The following MPST variants were observed in gnomAD, a reference collection of about 807,000 sequenced individuals.
The protein encoded by MPST is 3-mercaptopyruvate sulfurtransferase.
Under a neutral mutation model 28.5 loss-of-function variants are expected in MPST, and 27 were observed. The observed-to-expected ratio is 0.95, with a 90% CI of 0.70 to 1.31. The LOEUF (loss-of-function observed/expected upper bound fraction) is 1.31. Among genes scored for constraint, MPST ranks in the 50% most tolerant of loss-of-function variants. The pLI is 0.00. For missense variants in MPST, 492 were observed against 471.1 expected (o/e 1.04, Z -0.41); for synonymous variants, 204 against 209.3 (o/e 0.97, Z 0.22).
At chr22:37,026,344 G>A (rs894369943) in intron 2 of MPST, 1 of 152,182 alleles carries the variant, frequency 6.6e-6, no homozygotes, top group African/African-American at 2.4e-5. Flanking sequence ...AGTGTGTAAA[G>A]CACTCAGCTC....
intron 1 of MPST, among the ~76,000 whole-genome samples, chr22:37,021,767 G>A (rs774473999): frequency 2.0e-5 from 3 of 152,208 alleles, no homozygotes; most frequent in African/African-American, 4.8e-5. Flanking sequence ...CACCACGCCC[G>A]ACCTAAACCG....
At chr22:37,026,139 A>C (rs1016694274) in intron 2 of MPST, 1 of 152,234 alleles carries the variant, frequency 6.6e-6, no homozygotes, top group Non-Finnish European at 1.5e-5. Flanking sequence ...TGGGTTCTCC[A>C]TCTCAGCCCC....
At chr22:37,020,481 C>T (rs747629022) in intron 1 of MPST, among the ~76,000 whole-genome samples, 1 of 152,106 alleles carries the variant, frequency 6.6e-6, no homozygotes, top group Non-Finnish European at 1.5e-5. Context: ...GAACTTAGCC[C>T]GTTTAATCAT....
rs374903405 is a variant in MPST, at chr22:37,024,693, C to G, written c.538C>G (p.Pro180Ala). The change falls in exon 2 of 3, where the codon CCC becomes GCC. Residue 180 changes from proline to alanine, a missense_variant. Pro to Ala is a conservative substitution (Grantham distance 27). Coordinates refer to ENST00000429360, the MANE Select transcript of MPST (RefSeq NM_021126.8). ...APAEFRAQLD[P>A]AFIKTYEDIK... ...CGCCGAGTTCCGCGCTCAGCTCGAC[C>G]CCGCCTTCATCAAGACCTACGAGGA... is the stretch of plus-strand genomic sequence containing the variant. The G allele has an allele frequency of 3.1e-6, 5 of 1,599,708 alleles. No individual in the cohort carries two copies. The highest frequency in any genetic ancestry group is 4.2e-6 in the Non-Finnish European group (5 of 1,179,788).
In MPST at chr22:37,024,202, C is replaced by A. The variant is rs1333779191; in HGVS notation, c.47C>A (p.Pro16Gln). Reference sequence around the variant, plus strand: ...CTCCCTGTCGCCCAGGCCCGCAGCCCGAGTGTCGCCGCCATGGCTTCGCCG... The same window carrying A: ...CTCCCTGTCGCCCAGGCCCGCAGCCAGAGTGTCGCCGCCATGGCTTCGCCG... ...SRESETRARS[P>Q]SVAAMASPQL... is the part of the protein sequence containing the mutation. Residue 16 changes from proline (P) to glutamine (Q), a missense_variant, in exon 2 of 3, where the codon CCG (proline) becomes CAG (glutamine). Transcript: ENST00000429360. 2.2e-5 allele frequency: 31 copies of A among 1,379,476 alleles called. No individual in the cohort carries two copies. Among genetic ancestry groups the A allele is most frequent in the Non-Finnish European group, 9.3e-7 (1 of 1,074,724 alleles). The allele number at this position is 1,379,476 out of a possible 1,614,324, so 85.5% of individuals were successfully genotyped here.
At chr22:37,025,554 G>T (rs1246529693) in intron 2 of MPST, 1 of 170,200 alleles carries the variant, frequency 5.9e-6, no homozygotes, top group South Asian at 1.4e-4. Context: ...TCTGTATAAT[G>T]CGAGGAGGAG....
intron 2 of MPST, chr22:37,027,689 G>C (rs978183875): frequency 1.3e-5 from 2 of 152,288 alleles, no homozygotes; most frequent in African/African-American, 2.4e-5. Context: ...CTTCCCCTTT[G>C]GGCCTCTGGC....
At chr22:37,026,695 A>G (rs549571265) in intron 2 of MPST, 2 of 152,268 alleles carry the variant, frequency 1.3e-5, no homozygotes, top group East Asian at 3.9e-4. Flanking sequence ...GCTGGTCTCT[A>G]TGTGATATCT....
chr22:37,024,186 G>C lies in MPST; in HGVS notation c.37-6G>C. On this transcript the variant is annotated splice_polypyrimidine_tract_variant and splice_region_variant and intron_variant, in intron 1 of 2. Transcript: ENST00000429360. Reference sequence around the variant, plus strand: ...CTTCCCTTCTGACATCCTCCCTGTCGCCCAGGCCCGCAGCCCGAGTGTCGC... The same window carrying C: ...CTTCCCTTCTGACATCCTCCCTGTCCCCCAGGCCCGCAGCCCGAGTGTCGC... The C allele has an allele frequency of 7.3e-7, 1 of 1,372,810 alleles. No homozygotes were observed. The highest frequency in any genetic ancestry group is 1.7e-5 in the South Asian group (1 of 59,914). 85.0% of individuals were successfully genotyped at this position (1,372,810 alleles called of 1,614,324 possible). A position where few individuals can be genotyped will look rare whatever the true frequency, so the allele number is the denominator to read the frequency against.
Position 37,024,335 on chromosome 22 carries a change from G to T in MPST, c.180G>T (p.Lys60Asn). 1 of 1,538,464 alleles carries T rather than the reference G, an allele frequency of 6.5e-7. No individual in the cohort carries two copies. The change falls in exon 2 of 3, where the codon AAG becomes AAT. Residue 60 changes from lysine to asparagine, a missense_variant. By Grantham distance (94) the Lys-to-Asn change is moderately conservative. Coordinates refer to ENST00000429360, the MANE Select transcript of MPST (RefSeq NM_021126.8). ...TGGACGCCTCCTGGTACCTGCCGAA[G>T]CTGGGGCGCGACGCGCGACGCGAGT... ...QLLDASWYLP[K>N]LGRDARREFE...
chr22:37,024,110 C>G, intron 1 of MPST, 82 bp from the exon 2 acceptor site: 1 of 1,315,582 alleles, frequency 7.6e-7, no homozygotes, highest in African/African-American at 1.6e-5. Flanking sequence ...CCCCGCCGGC[C>G]CTCGCCCATG....
intron 2 of MPST, chr22:37,025,134 AAGG>A (rs1923431427): frequency 7.1e-7 from 1 of 1,399,538 alleles, no homozygotes; most frequent in Admixed American, 2.2e-5. Context: ...TGAGGTGGGG[AAGG>A]AGATTTGACT....
chr22:37,020,588 C>T (rs1922996203), intron 1 of MPST, among the ~76,000 whole-genome samples: 1 of 152,178 alleles, frequency 6.6e-6, no homozygotes, highest in African/African-American at 2.4e-5. Context: ...AACTGGGGGA[C>T]ACCATTGCCC....
At chr22:37,022,777 G>A (rs1048041401) in intron 1 of MPST, among the ~76,000 whole-genome samples, 61 of 152,182 alleles carry the variant, frequency 4.0e-4, no homozygotes, top group Non-Finnish European at 1.8e-4. Flanking sequence ...CCTTCATTTC[G>A]CTGGCAGGAC....
Position 37,029,423 on chromosome 22 carries a change from A to C in MPST, c.863A>C (p.Asp288Ala). The C allele has an allele frequency of 1.2e-6, 2 of 1,613,876 alleles. No individual in the cohort carries two copies. Among genetic ancestry groups the C allele is most frequent in the Non-Finnish European group, 1.7e-6 (2 of 1,180,022 alleles). ...GGGGCCTACCTCTGCGGCAAGCCAG[A>C]CGTGCCCATCTACGATGGCTCCTGG... The part of the protein sequence containing the change: ...ALGAYLCGKP[D>A]VPIYDGSWVE... Residue 288 changes from aspartate to alanine, a missense_variant, in exon 3 of 3, where the codon GAC becomes GCC. Transcript: ENST00000429360.
chr22:37,024,675 T>TTCCG lies in MPST; in HGVS notation c.521_524dup (p.Ala176ProfsTer47). On this transcript the variant is annotated frameshift_variant, in exon 2 of 3. Coordinates refer to ENST00000429360, the MANE Select transcript of MPST (RefSeq NM_021126.8). LOFTEE classifies it high-confidence loss of function. ...CAAGAGCCAACCTGCTCCCGCCGAG[T>TTCCG]TCCGCGCTCAGCTCGACCCCGCCTT... 6.3e-7 allele frequency: 1 copy of TTCCG among 1,599,232 alleles called. No homozygotes were observed. The highest frequency in any genetic ancestry group is 8.5e-7 in the Non-Finnish European group (1 of 1,179,680).
At position 37,029,530 on chromosome 22, in the gene MPST, A is replaced by T. The variant is rs953092552; in HGVS notation, c.*16A>T. The T allele has an allele frequency of 6.3e-7, 1 of 1,578,888 alleles. No homozygotes were observed. Among genetic ancestry groups the T allele is most frequent in the Non-Finnish European group, 8.6e-7 (1 of 1,159,260 alleles). Reference sequence around the variant, plus strand: ...GACCCACTGAAGCTGGGCAGGACACAGGCGAGCTCAGGTGATGCCGGCCAC... The same window carrying T: ...GACCCACTGAAGCTGGGCAGGACACTGGCGAGCTCAGGTGATGCCGGCCAC... On this transcript the variant is annotated 3_prime_UTR_variant, in exon 3 of 3. Transcript: ENST00000429360.
In MPST at chr22:37,024,538, A is replaced by G; in HGVS notation, c.383A>G (p.Tyr128Cys). ...TACGACGCCAGCGACCAGGGCCTCTACTCCGCCCCGCGCGTCTGGTGGATG... is the reference window on the plus strand; with the variant it reads ...TACGACGCCAGCGACCAGGGCCTCTGCTCCGCCCCGCGCGTCTGGTGGATG... ...VIYDASDQGL[Y>C]SAPRVWWMFR... The change falls in exon 2 of 3, where the codon TAC (tyrosine) becomes TGC (cysteine). Residue 128 changes from tyrosine to cysteine, a missense_variant. Coordinates refer to ENST00000429360, the MANE Select transcript of MPST (RefSeq NM_021126.8). 6.4e-7 allele frequency: 1 copy of G among 1,569,090 alleles called. No homozygotes were observed. Among genetic ancestry groups the G allele is most frequent in the Non-Finnish European group, 8.6e-7 (1 of 1,163,538 alleles).
rs549877335 is a variant in MPST at position 37,019,830 on chromosome 22, G to A, written c.-7G>A. ...GCGCGGGGAGGGGGCGCCGCGCCGC[G>A]GGGGCCATGGCGGAGCCAGGAAGCC... On this transcript the variant is annotated 5_prime_UTR_variant, in exon 1 of 3. Coordinates refer to ENST00000429360, the MANE Select transcript of MPST (RefSeq NM_021126.8). 11 of 1,205,000 alleles carry A rather than the reference G, an allele frequency of 9.1e-6. No individual in the cohort carries two copies. Among genetic ancestry groups the A allele is most frequent in the Non-Finnish European group, 1.1e-5 (11 of 962,382 alleles). The allele number at this position is 1,205,000 out of a possible 1,614,324, so 74.6% of individuals were successfully genotyped here.
Sources: allele counts gnomAD v4.1 joint callset (sites outside exome capture counted in the v4.1 genomes callset), GRCh38; gene constraint gnomAD v4.1.1; transcripts MANE v1.5; gene names NCBI Gene and HGNC (gene_info 2026-07-23, HGNC 2026-07-21).